The following CNTLN variants were observed in gnomAD, a reference collection of about 807,000 sequenced individuals.
CNTLN encodes centlein, centrosomal protein.
Under a neutral mutation model 180.0 loss-of-function variants are expected in CNTLN, and 212 were observed. The observed-to-expected ratio is 1.18, with a 90% CI of 1.05 to 1.32. The LOEUF (loss-of-function observed/expected upper bound fraction) is 1.32. Among genes scored for constraint, CNTLN ranks in the 40% most tolerant of loss-of-function variants. CNTLN has a pLI of 0.00. For synonymous variants in CNTLN, 722 were observed against 563.1 expected, an observed-to-expected ratio of 1.28 and a Z score of -3.99; for missense variants, 2,095 against 1,610.9, an observed-to-expected ratio of 1.30 and a Z score of -5.14.
Position 17,235,745 on chromosome 9 carries a change from T to G in CNTLN, c.622T>G (p.Phe208Val). 6.2e-7 allele frequency: 1 copy of G among 1,605,686 alleles called. No homozygotes were observed. Among genetic ancestry groups the G allele is most frequent in the South Asian group, 1.1e-5 (1 of 89,302 alleles). ...AGAAAATGCTTTCTTAAGGAAAGAA[T>G]TCAGTGACTTGGAGAAGAAATTTAA... ...DEENAFLRKE[F>V]SDLEKKFKDK... The change falls in exon 4 of 26, where the codon TTC (phenylalanine) becomes GTC (valine). Residue 208 changes from phenylalanine to valine, a missense_variant. By Grantham distance (50) the Phe-to-Val change is conservative. Transcript: ENST00000380647.
intron 2 of CNTLN, among the ~76,000 whole-genome samples, chr9:17,158,124 C>G (rs1819425672): frequency 2.0e-5 from 3 of 152,096 alleles, no homozygotes; most frequent in Non-Finnish European, 2.9e-5. Context: ...AAGGGATACC[C>G]AACCTGTATC....
intron 2 of CNTLN, among the ~76,000 whole-genome samples, chr9:17,215,472 G>A (rs1823675796): frequency 6.8e-6 from 1 of 146,034 alleles, no homozygotes; most frequent in Admixed American, 6.6e-5. Context: ...ACTAGGGGGT[G>A]CCTCCCAGTT....
chr9:17,445,925 T>C (rs887463356), intron 18 of CNTLN, among the ~76,000 whole-genome samples: 5 of 152,196 alleles, frequency 3.3e-5, no homozygotes, highest in African/African-American at 1.2e-4. Context: ...TCTACTGAGA[T>C]AGGGAAAAAC....
At chr9:17,143,415 G>A in intron 2 of CNTLN, 39 bp downstream of exon 2, 2 of 1,426,036 alleles carry the variant, frequency 1.4e-6, no homozygotes, top group Non-Finnish European at 2.0e-6. Flanking sequence ...TATTTGGTGT[G>A]TTGAGTTTGT....
chr9:17,146,282 C>A (rs564023128), intron 2 of CNTLN, among the ~76,000 whole-genome samples: 158 of 152,216 alleles, frequency 1.0e-3, no homozygotes, highest in Non-Finnish European at 1.7e-3. Flanking sequence ...CTTCTTCTCT[C>A]TTTTCTCTCT....
At chr9:17,410,636 A>G (rs894325076) in intron 16 of CNTLN, among the ~76,000 whole-genome samples, 1 of 151,988 alleles carries the variant, frequency 6.6e-6, no homozygotes, top group Non-Finnish European at 1.5e-5. Context: ...ATCCTATGCT[A>G]CCTTCCATGT....
intron 5 of CNTLN, among the ~76,000 whole-genome samples, chr9:17,267,971 C>G (rs1827617215): frequency 6.6e-6 from 1 of 151,928 alleles, no homozygotes; most frequent in Admixed American, 6.6e-5. Flanking sequence ...ACTTCTTTCC[C>G]ATTGGTTTGA....
chr9:17,163,176 A>G (rs114200181), intron 2 of CNTLN, among the ~76,000 whole-genome samples: 2,876 of 152,238 alleles, frequency 0.019, 54 homozygotes, highest in African/African-American at 0.05. Context: ...AATGGGGTTG[A>G]GGGGCTAAGA....
chr9:17,208,881 A>C (rs1432324634), intron 2 of CNTLN, among the ~76,000 whole-genome samples: 1 of 151,796 alleles, frequency 6.6e-6, no homozygotes, highest in African/African-American at 2.4e-5. Flanking sequence ...AGGATTTGTC[A>C]ATGTTATGTA....
intron 2 of CNTLN, among the ~76,000 whole-genome samples, chr9:17,201,814 T>G (rs983516066): frequency 1.3e-5 from 2 of 152,232 alleles, no homozygotes; most frequent in South Asian, 2.1e-4. Flanking sequence ...TTTTTAAGGG[T>G]TTTTCAGGTC....
At position 17,465,945 on chromosome 9, in the gene CNTLN, T is replaced by G. The variant is rs146575456; in HGVS notation, c.3532-36T>G. The G allele has an allele frequency of 9.3e-5, 144 of 1,550,402 alleles. No individual in the cohort carries two copies. In the East Asian group the frequency reaches 3.0e-3, roughly 32 times the overall value. The stretch of plus-strand genomic sequence containing the variant: ...AACACAGTATATTACTAGAATGCCT[T>G]CAACAATAATAATTACCTTTATGCT... On this transcript the variant is annotated intron_variant, in intron 21 of 25. Coordinates refer to ENST00000380647, the MANE Select transcript of CNTLN (RefSeq NM_017738.4).
intron 5 of CNTLN, among the ~76,000 whole-genome samples, chr9:17,244,242 C>T (rs1481028015): frequency 4.7e-5 from 7 of 149,516 alleles, no homozygotes; most frequent in Non-Finnish European, 7.4e-5. Flanking sequence ...CACATGGTCT[C>T]GCTCTGTCAC....
intron 5 of CNTLN, among the ~76,000 whole-genome samples, chr9:17,270,944 G>GTTT (rs1470630293): frequency 6.6e-5 from 7 of 105,488 alleles, no homozygotes; most frequent in South Asian, 8.6e-4. Context: ...TCAGAGAGGA[G>GTTT]TTCTTTTTTT....
intron 8 of CNTLN, among the ~76,000 whole-genome samples, chr9:17,309,463 A>G (rs1399878499): frequency 3.3e-5 from 5 of 152,140 alleles, no homozygotes; most frequent in African/African-American, 4.8e-5. Context: ...GTAGAAGTAC[A>G]GGGTCTAGCA....
intron 12 of CNTLN, among the ~76,000 whole-genome samples, chr9:17,356,473 T>G (rs530548668): frequency 4.3e-4 from 66 of 152,328 alleles, no homozygotes; most frequent in African/African-American, 1.4e-3. Flanking sequence ...CAGAGTCTGA[T>G]GCAACATGAC....
intron 5 of CNTLN, among the ~76,000 whole-genome samples, chr9:17,262,849 C>A (rs13292365): frequency 1.3e-5 from 2 of 151,034 alleles, no homozygotes; most frequent in Admixed American, 6.6e-5. Context: ...GTGGGTTTGT[C>A]GTAGATGGCT....
intron 13 of CNTLN, among the ~76,000 whole-genome samples, chr9:17,377,791 C>T (rs948657116): frequency 6.6e-6 from 1 of 152,158 alleles, no homozygotes; most frequent in Admixed American, 6.5e-5. Flanking sequence ...AATTCCCCAA[C>T]CTCCCCTGTA....
chr9:17,366,814 T>G (rs541077857), intron 13 of CNTLN, 97 bp downstream of exon 13: 1 of 705,022 alleles, frequency 1.4e-6, no homozygotes, highest in African/African-American at 1.9e-5. Context: ...CTTACCCTTT[T>G]TGTTTCTTTT....
chr9:17,335,918 T>A (rs932753056), intron 10 of CNTLN, among the ~76,000 whole-genome samples: 1 of 129,292 alleles, frequency 7.7e-6, no homozygotes, highest in Admixed American at 7.9e-5. Flanking sequence ...TTCCAGCGAG[T>A]CTGTCTCAAA....
Sources: allele counts gnomAD v4.1 joint callset (sites outside exome capture counted in the v4.1 genomes callset), GRCh38; gene constraint gnomAD v4.1.1; transcripts MANE v1.5; gene names NCBI Gene and HGNC (gene_info 2026-07-23, HGNC 2026-07-21).